Variants in CUX1 observed in about 807,000 individuals in gnomAD.
CUX1 encodes cut like homeobox 1.
A neutral mutation model predicts 158.8 loss-of-function variants in CUX1; 31 were observed. The observed-to-expected ratio is 0.20, with a 90% CI of 0.15 to 0.26. The LOEUF (loss-of-function observed/expected upper bound fraction) is 0.26. CUX1 is among the 10% of genes least tolerant of loss of function. The pLI is 1.00. For missense variants in CUX1, 1,589 were observed against 2,014.6 expected (o/e 0.79, Z 4.04); for synonymous variants, 879 against 862.1 (o/e 1.02, Z -0.34).
At chr7:102,036,964 G>A (rs1821502883) in intron 3 of CUX1, among the ~76,000 whole-genome samples, 1 of 152,204 alleles carries the variant, frequency 6.6e-6, no homozygotes, top group African/African-American at 2.4e-5. Context: ...GCTGAAGCAA[G>A]CAGTTCCCTT....
rs766390140 is a variant in CUX1, at chr7:102,036,162, G to A, written c.189+8017G>A. 4.0e-5 allele frequency among the ~76,000 whole-genome samples: 6 copies of A among 151,708 alleles called. No individual in the cohort carries two copies. In the South Asian group the frequency reaches 8.3e-4, roughly 21 times the overall value. On this transcript the variant is annotated intron_variant, in intron 3 of 23. Transcript: ENST00000292535. Reference sequence around the variant, plus strand: ...TTGTGTTTTTAGTAAAGACGGTTTCGCCAGGCTGGTCTCAAACTCCTGACC... The same window carrying A: ...TTGTGTTTTTAGTAAAGACGGTTTCACCAGGCTGGTCTCAAACTCCTGACC...
intron 20 of CUX1, among the ~76,000 whole-genome samples, chr7:102,216,600 A>ACACACG (rs1797140571): frequency 1.1e-4 from 1 of 9,324 alleles, no homozygotes; most frequent in Non-Finnish European, 2.6e-4. Context: ...ACACACTCCC[A>ACACACG]CACACACACA....
chr7:101,892,679 G>A (rs1488297374), intron 1 of CUX1, among the ~76,000 whole-genome samples: 1 of 152,182 alleles, frequency 6.6e-6, no homozygotes, highest in East Asian at 1.9e-4. Flanking sequence ...AGTGAAAATT[G>A]GTGCCCTTTG....
At chr7:101,907,791 CTCA>C (rs1802928295) in intron 1 of CUX1, among the ~76,000 whole-genome samples, 1 of 152,160 alleles carries the variant, frequency 6.6e-6, no homozygotes, top group African/African-American at 2.4e-5. Context: ...AAGCCTAGGT[CTCA>C]TTACTGGAGG....
chr7:101,977,456 T>C (rs1391091895), intron 2 of CUX1, among the ~76,000 whole-genome samples: 1 of 152,098 alleles, frequency 6.6e-6, no homozygotes, highest in Non-Finnish European at 1.5e-5. Context: ...GCCTGGACAG[T>C]GTAGCAAGAC....
At chr7:102,161,762 C>T (rs1790450692) in intron 9 of CUX1, among the ~76,000 whole-genome samples, 1 of 152,188 alleles carries the variant, frequency 6.6e-6, no homozygotes, top group African/African-American at 2.4e-5. Flanking sequence ...AGGCGCCCAC[C>T]ATGCCCAGCT....
intron 1 of CUX1, among the ~76,000 whole-genome samples, chr7:101,909,591 C>T (rs1323948698): frequency 6.6e-6 from 1 of 152,220 alleles, no homozygotes; most frequent in Non-Finnish European, 1.5e-5. Context: ...ATTTTTTTCA[C>T]TAGCAAAACC....
intron 14 of CUX1, among the ~76,000 whole-genome samples, chr7:102,270,276 C>T (rs1398702461): frequency 2.0e-5 from 3 of 152,224 alleles, no homozygotes; most frequent in Admixed American, 1.3e-4. Flanking sequence ...ATAGGGGACC[C>T]TCCCGTGGCC....
At chr7:101,944,631 T>C (rs1190913577) in intron 2 of CUX1, among the ~76,000 whole-genome samples, 2 of 152,232 alleles carry the variant, frequency 1.3e-5, no homozygotes, top group African/African-American at 4.8e-5. Flanking sequence ...ATTTTTCTAC[T>C]GAGCTCCTGC....
At chr7:102,045,915 G>A (rs1822726154) in intron 3 of CUX1, among the ~76,000 whole-genome samples, 1 of 152,158 alleles carries the variant, frequency 6.6e-6, no homozygotes, top group Non-Finnish European at 1.5e-5. Context: ...CCTGAACATG[G>A]GGCTCTGGCC....
chr7:102,139,348 G>A (rs1195625311), intron 8 of CUX1, among the ~76,000 whole-genome samples: 1 of 151,936 alleles, frequency 6.6e-6, no homozygotes, highest in Non-Finnish European at 1.5e-5. Flanking sequence ...TTGAAAAGTG[G>A]CTGAATCCAA....
rs1465699212 is a variant in CUX1, at chr7:102,152,612, G to T, written c.675-5948G>T. Among the ~76,000 whole-genome samples, 12 of 152,112 alleles carry T rather than the reference G, an allele frequency of 7.9e-5. No individual in the cohort carries two copies. The East Asian group carries it at 1.9e-3, about 24-fold the overall frequency. On this transcript the variant is annotated intron_variant, in intron 8 of 23. Coordinates refer to ENST00000292535, the MANE Select transcript of CUX1 (RefSeq NM_181552.4). ...TCACCATGTTGGCCAAGCTAGTCTC[G>T]AACTCGCGACCTCAGGTGATCCACC...
At chr7:101,936,709 G>T (rs2129129345) in intron 2 of CUX1, among the ~76,000 whole-genome samples, 1 of 152,258 alleles carries the variant, frequency 6.6e-6, no homozygotes, top group South Asian at 2.1e-4. Flanking sequence ...AACTGCCCAG[G>T]CGCCAGCCCT....
At chr7:102,002,101 C>T (rs947161372) in intron 2 of CUX1, among the ~76,000 whole-genome samples, 32 of 152,026 alleles carry the variant, frequency 2.1e-4, no homozygotes, top group Admixed American at 6.6e-5. Flanking sequence ...CTAGACCAGC[C>T]GGGGCAACAT....
intron 1 of CUX1, among the ~76,000 whole-genome samples, chr7:101,840,987 G>A (rs976445376): frequency 5.9e-5 from 9 of 151,854 alleles, no homozygotes; most frequent in Non-Finnish European, 7.4e-5. Flanking sequence ...TCTGCCTCCC[G>A]GGTTCACACC....
At chr7:102,028,305 G>A (rs448877) in intron 3 of CUX1, among the ~76,000 whole-genome samples, 160 bp downstream of exon 3, 101 of 152,342 alleles carry the variant, frequency 6.6e-4, no homozygotes, top group Non-Finnish European at 1.4e-3. Flanking sequence ...TCTGTGATGT[G>A]ATTTTCCATT....
At chr7:102,073,525 T>C (rs1385354344) in intron 4 of CUX1, among the ~76,000 whole-genome samples, 1 of 152,200 alleles carries the variant, frequency 6.6e-6, no homozygotes, top group Non-Finnish European at 1.5e-5. Context: ...GTCAAATTTG[T>C]ACCTCAATTT....
chr7:102,093,358 G>T (rs1279598313), intron 4 of CUX1, among the ~76,000 whole-genome samples: 2 of 151,868 alleles, frequency 1.3e-5, no homozygotes, highest in Non-Finnish European at 2.9e-5. Context: ...GCTAATTTTT[G>T]TATTTTTTCC....
At chr7:101,971,589 T>G (rs1811958395) in intron 2 of CUX1, among the ~76,000 whole-genome samples, 2 of 152,170 alleles carry the variant, frequency 1.3e-5, no homozygotes, top group African/African-American at 4.8e-5. Flanking sequence ...AAAGATGAGA[T>G]ACAGACTTGA....
Sources: allele counts gnomAD v4.1 joint callset (sites outside exome capture counted in the v4.1 genomes callset), GRCh38; gene constraint gnomAD v4.1.1; transcripts MANE v1.5; gene names NCBI Gene and HGNC (gene_info 2026-07-23, HGNC 2026-07-21).